Variants in PGCKA1 observed in about 807,000 individuals in gnomAD.
The protein encoded by PGCKA1 is PDCD10 and GCKIII kinases associated 1, also known as PDCD10 and GCKIII kinases-associated protein 1.
chr4:37,554,883 C>G, the PGCKA1 span, among the ~76,000 whole-genome samples: 1 of 152,050 alleles, frequency 6.6e-6, no homozygotes, highest in Non-Finnish European at 1.5e-5. Context: ...GAGGAGTTCC[C>G]CAGATAAACT....
At chr4:37,554,696 A>T in the PGCKA1 span, among the ~76,000 whole-genome samples, 1 of 152,230 alleles carries the variant, frequency 6.6e-6, no homozygotes, top group African/African-American at 2.4e-5. Flanking sequence ...AATTTTTCAA[A>T]GTCTTCCTGG....
chr4:37,592,765 T>C, the PGCKA1 span, among the ~76,000 whole-genome samples: 1 of 152,212 alleles, frequency 6.6e-6, no homozygotes, highest in African/African-American at 2.4e-5. Context: ...TATGTGCTTG[T>C]AAAGGTTAAA....
chr4:37,461,507 C>G, the PGCKA1 span, among the ~76,000 whole-genome samples: 76,156 of 151,642 alleles, frequency 0.5, 19,472 homozygotes, highest in Admixed American at 0.53. Flanking sequence ...GCAGTGGTTT[C>G]TAGTTCTTCT....
At chr4:37,572,158 G>A in the PGCKA1 span, among the ~76,000 whole-genome samples, 2 of 144,346 alleles carry the variant, frequency 1.4e-5, no homozygotes. Flanking sequence ...CGCCTCCCGG[G>A]TTCACGCCAT....
chr4:37,495,513 T>G, the PGCKA1 span, among the ~76,000 whole-genome samples: 1 of 152,170 alleles, frequency 6.6e-6, no homozygotes, highest in African/African-American at 2.4e-5. Context: ...ATATACACCA[T>G]GGAATACTAC....
the PGCKA1 span, among the ~76,000 whole-genome samples, chr4:37,463,069 A>G: frequency 2.0e-5 from 3 of 152,068 alleles, no homozygotes; most frequent in African/African-American, 7.2e-5. Context: ...CTGAGGCCTA[A>G]AGAGAGAATG....
the PGCKA1 span, among the ~76,000 whole-genome samples, chr4:37,553,353 A>AC: frequency 5.8e-5 from 8 of 137,506 alleles, no homozygotes; most frequent in African/African-American, 2.2e-4. Context: ...TGATCTTTAT[A>AC]GTTCTTGGAG....
chr4:37,494,568 C>G, the PGCKA1 span, among the ~76,000 whole-genome samples: 1 of 152,138 alleles, frequency 6.6e-6, no homozygotes, highest in Admixed American at 6.5e-5. Flanking sequence ...CTATTATGAA[C>G]AGTGCTGCAG....
chr4:37,524,046 T>C, the PGCKA1 span, among the ~76,000 whole-genome samples: 1 of 152,246 alleles, frequency 6.6e-6, no homozygotes, highest in African/African-American at 2.4e-5. Context: ...CACAGCTAAA[T>C]TGGCATTTAC....
At chr4:37,561,070 T>G in the PGCKA1 span, among the ~76,000 whole-genome samples, 1 of 152,132 alleles carries the variant, frequency 6.6e-6, no homozygotes, top group Non-Finnish European at 1.5e-5. Flanking sequence ...TCTACAACCT[T>G]CCTGCATTTC....
At chr4:37,487,427 C>T in the PGCKA1 span, among the ~76,000 whole-genome samples, 4 of 152,164 alleles carry the variant, frequency 2.6e-5, no homozygotes, top group Non-Finnish European at 5.9e-5. Flanking sequence ...CAGTTCATTT[C>T]ACCCCAGCAC....
the PGCKA1 span, among the ~76,000 whole-genome samples, chr4:37,581,268 A>G: frequency 6.6e-6 from 1 of 152,112 alleles, no homozygotes; most frequent in Non-Finnish European, 1.5e-5. The surrounding 1 kb of genome is among the most constrained non-coding windows in gnomAD (Gnocchi z 4.4). Flanking sequence ...TGCAAGACAA[A>G]GTCCACTTTA....
chr4:37,520,516 T>C, the PGCKA1 span, among the ~76,000 whole-genome samples: 1 of 152,366 alleles, frequency 6.6e-6, no homozygotes, highest in East Asian at 1.9e-4. Context: ...GGAATTTATC[T>C]GTTTCCTCCA....
At chr4:37,496,126 G>A in the PGCKA1 span, among the ~76,000 whole-genome samples, 111 of 152,224 alleles carry the variant, frequency 7.3e-4, 2 homozygotes, top group East Asian at 0.018. Flanking sequence ...TGTTTAATTA[G>A]ACTTCATTTG....
chr4:37,477,307 A>G, the PGCKA1 span, among the ~76,000 whole-genome samples: 1 of 152,208 alleles, frequency 6.6e-6, no homozygotes, highest in Non-Finnish European at 1.5e-5. Context: ...AAGGCTGCAT[A>G]TTGTATGATT....
the PGCKA1 span, among the ~76,000 whole-genome samples, chr4:37,465,904 G>A: frequency 2.0e-5 from 3 of 152,152 alleles, no homozygotes; most frequent in African/African-American, 4.8e-5. Context: ...CACTCTTCTA[G>A]AAGAAGAGTT....
the PGCKA1 span, among the ~76,000 whole-genome samples, chr4:37,571,409 C>T: frequency 1.6e-5 from 2 of 121,604 alleles, no homozygotes; most frequent in African/African-American, 6.4e-5. Context: ...ATCATCCAGG[C>T]TGGAGTGCAG....
the PGCKA1 span, among the ~76,000 whole-genome samples, chr4:37,478,792 A>G: frequency 1.3e-5 from 2 of 152,102 alleles, no homozygotes; most frequent in African/African-American, 2.4e-5. Context: ...CCCCCCTCTC[A>G]ATATTTGTTA....
chr4:37,465,132 C>T, the PGCKA1 span, among the ~76,000 whole-genome samples: 1 of 152,070 alleles, frequency 6.6e-6, no homozygotes, highest in Non-Finnish European at 1.5e-5. Context: ...AGTATATTCT[C>T]CATTCTTCAT....
Sources: allele counts gnomAD v4.1 joint callset (sites outside exome capture counted in the v4.1 genomes callset), GRCh38; gene constraint gnomAD v4.1.1; non-coding constraint Gnocchi (gnomAD v3.1); transcripts MANE v1.5; gene names NCBI Gene and HGNC (gene_info 2026-07-23, HGNC 2026-07-21).